NCK2: variants seen among roughly 807,000 people sequenced by gnomAD.
The protein encoded by NCK2 is cytoplasmic protein NCK2.
Under a neutral mutation model 33.9 loss-of-function variants are expected in NCK2, and 16 were observed. The observed-to-expected ratio is 0.47, with a 90% CI of 0.32 to 0.72. The LOEUF is 0.72. Among genes scored for constraint, NCK2 ranks in the 30% least tolerant of loss-of-function variants. The pLI, the probability that NCK2 is intolerant of heterozygous loss-of-function variation, is 0.03. For missense variants in NCK2, 418 were observed against 537.3 expected, an observed-to-expected ratio of 0.78 and a Z score of 2.19; for synonymous variants, 273 against 239.9, an observed-to-expected ratio of 1.14 and a Z score of -1.27.
At chr2:105,756,422 GGAAAGTTCT>G (rs1468354785) in intron 1 of NCK2, among the ~76,000 whole-genome samples, 2 of 152,192 alleles carry the variant, frequency 1.3e-5, no homozygotes, top group African/African-American at 4.8e-5. Flanking sequence ...TGCACAGACT[GGAAAGTTCT>G]GAAGTTGCAA....
intron 3 of NCK2, among the ~76,000 whole-genome samples, chr2:105,867,172 G>A (rs1258272810): frequency 1.3e-5 from 2 of 152,106 alleles, no homozygotes; most frequent in African/African-American, 2.4e-5. Context: ...TAAATGTTCC[G>A]CTTCTCCAAC....
intron 2 of NCK2, among the ~76,000 whole-genome samples, chr2:105,820,767 G>A (rs1380047267): frequency 1.3e-5 from 2 of 152,228 alleles, no homozygotes; most frequent in Non-Finnish European, 1.5e-5. Flanking sequence ...CTGCAGATTC[G>A]TTTGACTTTT....
At chr2:105,889,652 T>C (rs1678891389) in intron 4 of NCK2, among the ~76,000 whole-genome samples, 1 of 151,062 alleles carries the variant, frequency 6.6e-6, no homozygotes, top group Non-Finnish European at 1.5e-5. Context: ...GGCCCTGTCA[T>C]ACCTCACTGT....
intron 4 of NCK2, 117 bp from the exon 5 acceptor site, chr2:105,892,865 G>A: frequency 4.4e-6 from 3 of 688,860 alleles, no homozygotes; most frequent in African/African-American, 1.8e-5. Context: ...AAAAAAAGCA[G>A]AGACCCAGTG....
intron 1 of NCK2, among the ~76,000 whole-genome samples, chr2:105,806,238 C>CTTTCT (rs1675032006): frequency 7.4e-6 from 1 of 135,970 alleles, no homozygotes; most frequent in Admixed American, 7.5e-5. Context: ...CATTTTCTTT[C>CTTTCT]TTTTTTTTTT....
chr2:105,781,080 C>T (rs1690480708), intron 1 of NCK2, among the ~76,000 whole-genome samples: 2 of 152,216 alleles, frequency 1.3e-5, no homozygotes, highest in African/African-American at 2.4e-5. Flanking sequence ...TTCTCCCTCC[C>T]ACCCACCTAT....
At chr2:105,793,271 T>G (rs1690958979) in intron 1 of NCK2, among the ~76,000 whole-genome samples, 1 of 152,224 alleles carries the variant, frequency 6.6e-6, no homozygotes, top group East Asian at 1.9e-4. Flanking sequence ...CCTGTTTTTT[T>G]GTCCCCTTAT....
chr2:105,764,023 T>G (rs1167935626), intron 1 of NCK2, among the ~76,000 whole-genome samples: 1 of 152,236 alleles, frequency 6.6e-6, no homozygotes, highest in Non-Finnish European at 1.5e-5. Flanking sequence ...AATTTAGTCC[T>G]CTCTACAACC....
At chr2:105,819,354 G>C (rs1675637135) in intron 2 of NCK2, among the ~76,000 whole-genome samples, 1 of 151,832 alleles carries the variant, frequency 6.6e-6, no homozygotes, top group African/African-American at 2.4e-5. Flanking sequence ...AGTCATTGGG[G>C]TAGAACTTTT....
intron 2 of NCK2, among the ~76,000 whole-genome samples, chr2:105,821,768 C>A (rs751648952): frequency 7.2e-6 from 1 of 138,886 alleles, no homozygotes; most frequent in Non-Finnish European, 1.6e-5. Flanking sequence ...CACAAAGCCT[C>A]AGGAGAGGTT....
intron 1 of NCK2, among the ~76,000 whole-genome samples, chr2:105,794,362 A>AT (rs1376296347): frequency 6.6e-6 from 1 of 152,028 alleles, no homozygotes; most frequent in Non-Finnish European, 1.5e-5. Context: ...GAATCCTTTG[A>AT]TTTTATATTT....
rs56250020 is a variant in NCK2, at chr2:105,835,409, G to GTGTGTATATATATATATGTA, written c.-17+18797_-17+18798insGTGTATATATATATATGTAT. On this transcript the variant is annotated intron_variant, in intron 2 of 4. Transcript: ENST00000233154. Reference sequence around the variant, plus strand: ...TACACATATATATATATATATACGTGTATATATATATATATTTTTTTTTTG... The same window carrying GTGTGTATATATATATATGTA: ...TACACATATATATATATATATACGTGTGTGTATATATATATATGTATATATATATATATATTTTTTTTTTG... Among the ~76,000 whole-genome samples the GTGTGTATATATATATATGTA allele has an allele frequency of 5.7e-3, 337 of 59,306 alleles. 11 individuals are homozygous for GTGTGTATATATATATATGTA. The highest frequency in any genetic ancestry group is 9.6e-3 in the Non-Finnish European group (293 of 30,472). 38.9% of individuals were successfully genotyped at this position (59,306 alleles called of 152,430 possible).
intron 1 of NCK2, among the ~76,000 whole-genome samples, chr2:105,771,807 G>A (rs1573573651): frequency 6.6e-6 from 1 of 152,134 alleles, no homozygotes. Flanking sequence ...TCTTCTGTCT[G>A]AAGTAAAAAC....
chr2:105,823,776 A>G (rs776481366), intron 2 of NCK2, among the ~76,000 whole-genome samples: 1 of 152,018 alleles, frequency 6.6e-6, no homozygotes, highest in African/African-American at 2.4e-5. Context: ...TCTCAGAGTC[A>G]CACCTGACCA....
chr2:105,846,962 G>A (rs1309673431), intron 2 of NCK2, among the ~76,000 whole-genome samples: 1 of 152,198 alleles, frequency 6.6e-6, no homozygotes, highest in Non-Finnish European at 1.5e-5. Context: ...TGTGGTATAT[G>A]CATACATTGG....
rs866255790 is a variant in NCK2, at chr2:105,893,577, G to C, written c.*401G>C. On this transcript the variant is annotated 3_prime_UTR_variant, in exon 5 of 5. Coordinates refer to ENST00000233154, the MANE Select transcript of NCK2 (RefSeq NM_003581.5). ...TCAGCGTGCTGGGCAGAGCAGGTGCGATGGCCCCAGTCCTAGCAGCCCTCG... is the reference window on the plus strand; with the variant it reads ...TCAGCGTGCTGGGCAGAGCAGGTGCCATGGCCCCAGTCCTAGCAGCCCTCG... 1.5e-5 allele frequency: 3 copies of C among 205,754 alleles called. No homozygotes were observed. Among genetic ancestry groups the C allele is most frequent in the Middle Eastern group, 2.1e-3 (1 of 470 alleles). 12.7% of individuals were successfully genotyped at this position (205,754 alleles called of 1,614,324 possible).
intron 2 of NCK2, chr2:105,847,114 C>T (rs752235841): frequency 2.0e-5 from 3 of 152,020 alleles, no homozygotes; most frequent in Non-Finnish European, 4.4e-5. Flanking sequence ...TTGTCAAATT[C>T]GCAGGGACAG....
chr2:105,801,768 C>T (rs1263231432), intron 1 of NCK2, among the ~76,000 whole-genome samples: 1 of 151,976 alleles, frequency 6.6e-6, no homozygotes, highest in East Asian at 1.9e-4. Context: ...CGTGTCCACT[C>T]GGGGGAACAA....
At chr2:105,881,218 C>T (rs2104659105) in intron 3 of NCK2, 110 bp from the exon 4 acceptor site, 1 of 1,421,130 alleles carries the variant, frequency 7.0e-7, no homozygotes, top group Non-Finnish European at 9.4e-7. Context: ...GTCCATGTGT[C>T]GTCCCCTTGT....
Sources: gnomAD v4.1 joint callset for allele counts (sites outside exome capture counted in the v4.1 genomes callset) on GRCh38, gnomAD v4.1.1 for gene constraint, MANE v1.5 for transcripts, NCBI Gene and HGNC (gene_info 2026-07-23, HGNC 2026-07-21) for gene names.